The following GFPT1 variants were observed in gnomAD, a reference collection of about 807,000 sequenced individuals.
The protein encoded by GFPT1 is glutamine--fructose-6-phosphate transaminase 1, also known as glutamine--fructose-6-phosphate aminotransferase [isomerizing] 1.
GFPT1 carries 40 observed loss-of-function variants against 92.0 expected under a neutral mutation model. The ratio of observed to expected loss-of-function variants is 0.43; its 90% CI spans 0.34 to 0.57. The LOEUF (loss-of-function observed/expected upper bound fraction) is 0.57. GFPT1 is among the 20% of genes least tolerant of loss of function. GFPT1 has a pLI of 0.02. For missense variants in GFPT1, 448 were observed against 869.1 expected, an observed-to-expected ratio of 0.52 and a Z score of 6.09; for synonymous variants, 269 against 280.6, an observed-to-expected ratio of 0.96 and a Z score of 0.41.
chr2:69,331,641 T>C (rs73937249), intron 15 of GFPT1, among the ~76,000 whole-genome samples: 3,438 of 152,274 alleles, frequency 0.023, 136 homozygotes, highest in African/African-American at 0.077. Context: ...TATTTTAACC[T>C]GACTGAATGA....
intron 3 of GFPT1, 143 bp downstream of exon 3, chr2:69,369,858 T>C (rs776357377): frequency 1.4e-6 from 1 of 692,348 alleles, no homozygotes; most frequent in Non-Finnish European, 2.7e-6. Context: ...CAAAACTACT[T>C]TTCTTTCCTC....
chr2:69,366,693 C>G (rs999667734), intron 3 of GFPT1, among the ~76,000 whole-genome samples: 4 of 152,092 alleles, frequency 2.6e-5, no homozygotes, highest in African/African-American at 9.7e-5. Context: ...AGCTTTTGTC[C>G]TCTCACCTGG....
At chr2:69,384,411 T>C (rs1672077986) in intron 1 of GFPT1, among the ~76,000 whole-genome samples, 1 of 152,070 alleles carries the variant, frequency 6.6e-6, no homozygotes, top group Non-Finnish European at 1.5e-5. Flanking sequence ...TGAAATAAAA[T>C]AATCTTTTAG....
At chr2:69,355,992 T>C (rs1258921827) in intron 7 of GFPT1, among the ~76,000 whole-genome samples, 2 of 140,616 alleles carry the variant, frequency 1.4e-5, no homozygotes, top group Non-Finnish European at 3.1e-5. Flanking sequence ...TCTTTTTTTT[T>C]TTTTTTTTTT....
rs79951166 is a variant in GFPT1 at position 69,357,532 on chromosome 2, C to T, written c.543+797G>A. Among the ~76,000 whole-genome samples the T allele has an allele frequency of 9.6e-4, 146 of 152,314 alleles. 1 individual carries two copies. Among genetic ancestry groups the T allele is most frequent in the South Asian group, 5.8e-3 (28 of 4,826 alleles). The stretch of plus-strand genomic sequence containing the variant: ...GGGAAGGCACACTACTCCACTCTGC[C>T]TTGGGGAAAGGGAAGGAATAGGCCT... On this transcript the variant is annotated intron_variant, in intron 6 of 19. Transcript: ENST00000357308.
chr2:69,353,923 G>A (rs1376331440), intron 9 of GFPT1, among the ~76,000 whole-genome samples: 1 of 152,114 alleles, frequency 6.6e-6, no homozygotes, highest in Non-Finnish European at 1.5e-5. Context: ...CTACCACTTA[G>A]TCAATCTATA....
At chr2:69,330,909 TATA>T (rs778417095) in intron 15 of GFPT1, among the ~76,000 whole-genome samples, 1 of 152,190 alleles carries the variant, frequency 6.6e-6, no homozygotes, top group Non-Finnish European at 1.5e-5. Flanking sequence ...CTTACAAGAT[TATA>T]ATGACAATTA....
intron 12 of GFPT1, among the ~76,000 whole-genome samples, chr2:69,344,186 CAAAAAAAAAA>C (rs10602884): frequency 1.6e-5 from 1 of 64,498 alleles, no homozygotes; most frequent in Non-Finnish European, 2.8e-5. Flanking sequence ...AAAAGCAAAG[CAAAAAAAAAA>C]AAAAAAAAAA....
At chr2:69,357,687 A>C (rs1436855023) in intron 6 of GFPT1, among the ~76,000 whole-genome samples, 1 of 152,174 alleles carries the variant, frequency 6.6e-6, no homozygotes, top group African/African-American at 2.4e-5. Context: ...TAGAGTTATG[A>C]GTGGGGAAGG....
intron 1 of GFPT1, among the ~76,000 whole-genome samples, chr2:69,379,067 A>G (rs542093857): frequency 8.3e-4 from 127 of 152,298 alleles, no homozygotes; most frequent in Non-Finnish European, 1.6e-3. Flanking sequence ...CAACATACCA[A>G]GACCCTGTCT....
Position 69,352,947 on chromosome 2 carries a change from G to A in GFPT1, c.739+1312C>T, listed in dbSNP as rs186895479. Among the ~76,000 whole-genome samples the A allele has an allele frequency of 3.3e-5, 5 of 152,164 alleles. No individual in the cohort carries two copies. The East Asian group carries it at 9.7e-4, about 29-fold the overall frequency. On this transcript the variant is annotated intron_variant, in intron 9 of 19. Transcript: ENST00000357308. ...GGTAGTCCCAGCTACTCTGGAGGCT[G>A]AGGCATGAGACTCGCTTGAACCCGG...
chr2:69,349,322 G>A (rs546557417), intron 10 of GFPT1, among the ~76,000 whole-genome samples: 5 of 152,152 alleles, frequency 3.3e-5, no homozygotes, highest in Non-Finnish European at 5.9e-5. Flanking sequence ...TGTAATTCCA[G>A]TGTATTTAAG....
intron 12 of GFPT1, 53 bp from the exon 13 acceptor site, chr2:69,342,302 G>A: frequency 4.6e-6 from 5 of 1,077,874 alleles, no homozygotes; most frequent in Non-Finnish European, 7.2e-6. Context: ...ATGTGAACTA[G>A]GCAATCGCAT....
chr2:69,358,778 C>CA (rs1558761432), intron 5 of GFPT1, among the ~76,000 whole-genome samples: 3 of 152,140 alleles, frequency 2.0e-5, no homozygotes, highest in Non-Finnish European at 2.9e-5. Context: ...CACATGTGGA[C>CA]AGTGGCTACT....
At chr2:69,356,055 G>C (rs542801820) in intron 7 of GFPT1, among the ~76,000 whole-genome samples, 1 of 128,504 alleles carries the variant, frequency 7.8e-6, no homozygotes, top group Non-Finnish European at 1.5e-5. Flanking sequence ...GCAGTGGCAC[G>C]ATCTCGGCTC....
chr2:69,330,112 G>A (rs1670625659), intron 15 of GFPT1, among the ~76,000 whole-genome samples: 1 of 152,164 alleles, frequency 6.6e-6, no homozygotes, highest in Non-Finnish European at 1.5e-5. Flanking sequence ...CAGCTACTCA[G>A]GAGGATCACT....
chr2:69,336,339 CAAAAAAAA>C (rs61141681), intron 15 of GFPT1, among the ~76,000 whole-genome samples: 5 of 98,098 alleles, frequency 5.1e-5, no homozygotes, highest in Admixed American at 1.3e-4. Flanking sequence ...AGTCTGTCTC[CAAAAAAAA>C]AAAAAAAAAG....
rs1249445176 is a variant in GFPT1, at chr2:69,374,084, G to A, written c.37C>T (p.Pro13Ser). The A allele has an allele frequency of 1.9e-6, 3 of 1,589,526 alleles. No individual in the cohort carries two copies. Among genetic ancestry groups the A allele is most frequent in the Non-Finnish European group, 2.6e-6 (3 of 1,159,154 alleles). Residue 13 changes from proline to serine, a missense_variant, in exon 2 of 20, where the codon CCT becomes TCT. Pro to Ser is a moderately conservative substitution (Grantham distance 74, BLOSUM62 -1). Coordinates refer to ENST00000357308, the MANE Select transcript of GFPT1 (RefSeq NM_001244710.2). ...TCCAGGATTTCTCGTCTCGTTCGAG[G>A]AACATGGTAGTTTAAGTAAGCAAAT... ...GIFAYLNYHV[P>S]RTRREILETL...
intron 1 of GFPT1, among the ~76,000 whole-genome samples, chr2:69,381,011 G>A (rs187784920): frequency 0.011 from 1,651 of 149,530 alleles, 18 homozygotes; most frequent in South Asian, 0.018. Context: ...ACAGAGTCTC[G>A]TTCTGTCACC....
Sources: allele counts gnomAD v4.1 joint callset (sites outside exome capture counted in the v4.1 genomes callset), GRCh38; gene constraint gnomAD v4.1.1; transcripts MANE v1.5; gene names NCBI Gene and HGNC (gene_info 2026-07-23, HGNC 2026-07-21).